Variants in CDH2 observed in about 807,000 individuals in gnomAD.
The protein encoded by CDH2 is cadherin 2.
A neutral mutation model predicts 92.0 loss-of-function variants in CDH2; 17 were observed. The ratio of observed to expected loss-of-function variants is 0.18; its 90% confidence interval spans 0.13 to 0.28. The LOEUF (loss-of-function observed/expected upper bound fraction) is 0.28. Ranked by LOEUF, CDH2 falls within the 10% of genes least tolerant of loss-of-function variation. The probability of loss-of-function intolerance (pLI) is 1.00; values close to 1 mark genes in which losing one functional copy is unlikely to be tolerated. For missense variants in CDH2, 862 were observed against 1,133.1 expected (o/e 0.76, Z 3.44); for synonymous variants, 419 against 415.9 (o/e 1.01, Z -0.09).
chr18:28,130,343 T>C (rs1303602020), intron 2 of CDH2, among the ~76,000 whole-genome samples: 2 of 152,136 alleles, frequency 1.3e-5, no homozygotes, highest in Admixed American at 1.3e-4. Context: ...CTTTTCAAAG[T>C]GCAGACAGCA....
intron 14 of CDH2, among the ~76,000 whole-genome samples, chr18:27,973,730 A>C (rs2011734049): frequency 6.6e-6 from 1 of 152,180 alleles, no homozygotes; most frequent in Non-Finnish European, 1.5e-5. Context: ...GACACACTGA[A>C]GGTTATTTCC....
At chr18:28,104,131 G>A (rs1785835) in intron 2 of CDH2, among the ~76,000 whole-genome samples, 124,944 of 152,028 alleles carry the variant, frequency 0.82, 51,599 homozygotes, top group African/African-American at 0.87. Context: ...AGCAGGTTGT[G>A]TTATTGATTT....
intron 9 of CDH2, 66 bp from the exon 10 acceptor site, chr18:27,990,416 C>G (rs1369276764): frequency 4.2e-6 from 6 of 1,435,518 alleles, no homozygotes; most frequent in Non-Finnish European, 3.8e-6. Flanking sequence ...GTAGTTTATT[C>G]CTCTATCAAC....
chr18:27,990,895 T>C (rs995429081), intron 9 of CDH2, among the ~76,000 whole-genome samples: 1 of 152,222 alleles, frequency 6.6e-6, no homozygotes, highest in African/African-American at 2.4e-5. Flanking sequence ...CAAACATGTA[T>C]ACATAATCGC....
At chr18:27,989,435 A>C (rs2012338633) in intron 10 of CDH2, among the ~76,000 whole-genome samples, 1 of 152,186 alleles carries the variant, frequency 6.6e-6, no homozygotes, top group Admixed American at 6.5e-5. Flanking sequence ...GAGAACATTT[A>C]ACATTTAATA....
intron 2 of CDH2, among the ~76,000 whole-genome samples, chr18:28,086,858 A>G (rs2014940344): frequency 6.6e-6 from 1 of 152,166 alleles, no homozygotes; most frequent in South Asian, 2.1e-4. Flanking sequence ...TTTCTCTTAG[A>G]CAGCATTTGA....
At position 27,988,600 on chromosome 18, in the gene CDH2, T is replaced by G. The variant is rs760403765; in HGVS notation, c.1665A>C (p.Thr555=). The change falls in exon 11 of 16, where the codon ACA becomes ACC. Residue 555 remains threonine, a synonymous_variant. Transcript: ENST00000269141. ...GTGATTCTCGGTCCAAAACAGCAAT[T>G]GTAGTTATTTGTCCATTCACAGGAT... is the stretch of plus-strand genomic sequence containing the variant. ...KIDPVNGQIT[T]IAVLDRESPN... is the part of the protein sequence containing the mutation. The G allele has an allele frequency of 1.2e-6, 2 of 1,608,852 alleles. No individual in the cohort carries two copies. Among genetic ancestry groups the G allele is most frequent in the Non-Finnish European group, 1.7e-6 (2 of 1,175,306 alleles).
intron 2 of CDH2, among the ~76,000 whole-genome samples, chr18:28,092,250 C>T (rs2015049884): frequency 6.6e-6 from 1 of 152,024 alleles, no homozygotes; most frequent in Non-Finnish European, 1.5e-5. Flanking sequence ...TTCTTAAAGG[C>T]CAAGAAAGGC....
chr18:28,001,471 C>A (rs1330904579), intron 7 of CDH2, among the ~76,000 whole-genome samples: 1 of 152,120 alleles, frequency 6.6e-6, no homozygotes, highest in Non-Finnish European at 1.5e-5. Flanking sequence ...AGCAACCTGG[C>A]ACTGAAGAAA....
chr18:28,062,164 G>A (rs1185265497), intron 2 of CDH2, among the ~76,000 whole-genome samples: 1 of 152,216 alleles, frequency 6.6e-6, no homozygotes, highest in Admixed American at 6.5e-5. Flanking sequence ...ACAATGAACA[G>A]CCTTATTTTT....
chr18:28,082,246 A>G (rs1229200199), intron 2 of CDH2, among the ~76,000 whole-genome samples: 1 of 151,932 alleles, frequency 6.6e-6, no homozygotes, highest in Non-Finnish European at 1.5e-5. Context: ...TGTCTCTAAA[A>G]AAAAAAATTA....
intron 2 of CDH2, among the ~76,000 whole-genome samples, chr18:28,041,095 C>T (rs2013939596): frequency 6.6e-6 from 1 of 151,998 alleles, no homozygotes; most frequent in Admixed American, 6.6e-5. Context: ...GGGAGGGGTC[C>T]ACAATGAGTA....
chr18:27,948,869 A>G (rs1015738846), downstream of CDH2, among the ~76,000 whole-genome samples: 12 of 151,972 alleles, frequency 7.9e-5, no homozygotes, highest in African/African-American at 2.9e-4. Flanking sequence ...GCAACGTCTT[A>G]CTAAAATTTA....
chr18:28,002,162 T>C (rs2012788792), intron 7 of CDH2, among the ~76,000 whole-genome samples: 1 of 152,122 alleles, frequency 6.6e-6, no homozygotes, highest in South Asian at 2.1e-4. Context: ...GGAAAGAATA[T>C]GAGCAGTGCT....
chr18:28,038,519 C>A (rs1296109095), intron 2 of CDH2, among the ~76,000 whole-genome samples: 1 of 151,498 alleles, frequency 6.6e-6, no homozygotes, highest in Non-Finnish European at 1.5e-5. Flanking sequence ...TCATAAACTA[C>A]CCCAAAGGCC....
intron 2 of CDH2, among the ~76,000 whole-genome samples, chr18:28,042,520 G>T (rs1181204158): frequency 2.6e-5 from 4 of 152,106 alleles, no homozygotes; most frequent in African/African-American, 4.8e-5. Flanking sequence ...GAGACAAGTT[G>T]TCTCACTTTA....
At chr18:28,002,505 A>G (rs1567958691) in intron 7 of CDH2, among the ~76,000 whole-genome samples, 1 of 152,222 alleles carries the variant, frequency 6.6e-6, no homozygotes, top group Admixed American at 6.5e-5. Flanking sequence ...TAAATTAATC[A>G]TAGAGTTAAG....
chr18:27,952,241 C>A lies in CDH2; in HGVS notation c.2633G>T (p.Ser878Ile). 6.2e-7 allele frequency: 1 copy of A among 1,613,692 alleles called. No homozygotes were observed. Among genetic ancestry groups the A allele is most frequent in the South Asian group, 1.1e-5 (1 of 91,080 alleles). ...GSLSSLNSSS[S>I]GGEQDYDYLN... ...GTAATCATAGTCCTGCTCACCACCA[C>A]TACTTGAGGAATTAAGGGAGCTCAA... Residue 878 changes from serine (S) to isoleucine (I), a missense_variant, in exon 16 of 16, where the codon AGT (serine) becomes ATT (isoleucine). Physicochemically the swap from Ser to Ile is moderately radical, Grantham distance 142 (BLOSUM62 -2). Transcript: ENST00000269141.
chr18:28,177,128 G>C lies in CDH2; in HGVS notation c.-106C>G, dbSNP rs965703916. 1.3e-6 allele frequency: 1 copy of C among 766,612 alleles called. No homozygotes were observed. Among genetic ancestry groups the C allele is most frequent in the East Asian group, 3.4e-5 (1 of 29,306 alleles). The allele number at this position is 766,612 out of a possible 1,614,324, so 47.5% of individuals were successfully genotyped here. On this transcript the variant is annotated 5_prime_UTR_variant, in exon 1 of 16. Transcript: ENST00000269141. ...AGCACCAACAGCGGCGCGGAGAAAC[G>C]GCTCCAGGCAGTTTCCACCCCCTTC...
Sources: gnomAD v4.1 joint callset for allele counts (sites outside exome capture counted in the v4.1 genomes callset) on GRCh38, gnomAD v4.1.1 for gene constraint, MANE v1.5 for transcripts, NCBI Gene and HGNC (gene_info 2026-07-23, HGNC 2026-07-21) for gene names.